MTHFD1L: variants seen among roughly 807,000 people sequenced by gnomAD.
MTHFD1L encodes the protein monofunctional C1-tetrahydrofolate synthase, mitochondrial.
Under a neutral mutation model 119.5 loss-of-function variants are expected in MTHFD1L, and 81 were observed. The observed-to-expected ratio is 0.68, with a 90% CI of 0.57 to 0.82. The LOEUF is 0.82. Ranked by LOEUF, MTHFD1L falls within the 40% of genes least tolerant of loss-of-function variation. The pLI, the probability that MTHFD1L is intolerant of heterozygous loss-of-function variation, is 0.00. For synonymous variants in MTHFD1L, 430 were observed against 475.2 expected (o/e 0.90, Z 1.24); for missense variants, 1,125 against 1,253.4 (o/e 0.90, Z 1.55).
intron 11 of MTHFD1L, among the ~76,000 whole-genome samples, chr6:150,928,425 G>A (rs1790421056): frequency 1.0e-5 from 1 of 97,108 alleles, no homozygotes. Context: ...GACAGAGCAA[G>A]ACTGTCTCAA....
At chr6:150,913,142 A>C (rs577741815) in intron 8 of MTHFD1L, among the ~76,000 whole-genome samples, 51 of 151,790 alleles carry the variant, frequency 3.4e-4, no homozygotes, top group Middle Eastern at 6.8e-3. Flanking sequence ...CTGGGACTAC[A>C]GACATATGCC....
rs1408224807 is a variant in MTHFD1L, at chr6:151,034,510, G to A, written c.2604G>A (p.Lys868=). The stretch of plus-strand genomic sequence containing the variant: ...TTCTCCAGGTTCCAATTGTGGACAA[G>A]ATAAGGACCATTGCTCAGGCTGTCT... The part of the protein sequence containing the change: ...LYDVQVPIVD[K]IRTIAQAVYG... Residue 868 remains lysine (K), a synonymous_variant, in exon 25 of 28, where the codon AAG becomes AAA. Coordinates refer to ENST00000367321, the MANE Select transcript of MTHFD1L (RefSeq NM_015440.5). 6.2e-6 allele frequency: 10 copies of A among 1,610,904 alleles called. No homozygotes were observed. The Admixed American group carries it at 1.2e-4, about 19-fold the overall frequency.
chr6:150,894,360 G>A (rs143465140), intron 7 of MTHFD1L, among the ~76,000 whole-genome samples: 65 of 152,300 alleles, frequency 4.3e-4, no homozygotes, highest in African/African-American at 1.5e-3. Context: ...GGGAAGGAGA[G>A]AGTGTCTCCA....
chr6:150,923,526 T>TTTATTTATTTATTTATTTAC (rs1789380436), intron 10 of MTHFD1L, among the ~76,000 whole-genome samples: 1 of 136,886 alleles, frequency 7.3e-6, no homozygotes, highest in Non-Finnish European at 1.5e-5. Context: ...TATTTATTTA[T>TTTATTTATTTATTTATTTAC]TTATTTATTT....
chr6:150,892,194 C>T (rs1420963399), intron 7 of MTHFD1L, among the ~76,000 whole-genome samples: 1 of 152,232 alleles, frequency 6.6e-6, no homozygotes, highest in Non-Finnish European at 1.5e-5. Flanking sequence ...CCGTGCCCTG[C>T]ACTGAACAGC....
intron 20 of MTHFD1L, among the ~76,000 whole-genome samples, chr6:151,000,560 A>C (rs1258434532): frequency 6.6e-6 from 1 of 152,188 alleles, no homozygotes; most frequent in Non-Finnish European, 1.5e-5. Context: ...GGATCCTCAA[A>C]ATTAATATAT....
intron 25 of MTHFD1L, 148 bp downstream of exon 25, chr6:151,034,748 G>A (rs750040384): frequency 9.3e-6 from 6 of 646,536 alleles, no homozygotes; most frequent in Non-Finnish European, 1.7e-5. Context: ...ATATCCTCGG[G>A]TAGAGTGTAG....
intron 24 of MTHFD1L, among the ~76,000 whole-genome samples, chr6:151,022,865 C>A (rs542082498): frequency 6.6e-6 from 1 of 152,214 alleles, no homozygotes; most frequent in South Asian, 2.1e-4. Flanking sequence ...TAATATTCTG[C>A]TTTCTTAATT....
chr6:150,957,613 T>C (rs1771824), intron 17 of MTHFD1L, among the ~76,000 whole-genome samples: 43,179 of 152,094 alleles, frequency 0.28, 6,483 homozygotes, highest in East Asian at 0.49. Context: ...ACAATCCAAA[T>C]GTCCAACAGT....
chr6:151,083,607 T>C (rs1036396481), intron 26 of MTHFD1L, among the ~76,000 whole-genome samples: 5 of 152,238 alleles, frequency 3.3e-5, no homozygotes, highest in Admixed American at 3.3e-4. Flanking sequence ...AATAGTGGCA[T>C]TGTTTCACAA....
chr6:150,889,124 C>T (rs1782797094), intron 7 of MTHFD1L, among the ~76,000 whole-genome samples: 1 of 151,822 alleles, frequency 6.6e-6, no homozygotes, highest in South Asian at 2.1e-4. Flanking sequence ...TTGCAGTGAG[C>T]CGCGATCGTG....
intron 7 of MTHFD1L, among the ~76,000 whole-genome samples, chr6:150,896,268 T>G (rs954886446): frequency 5.3e-5 from 8 of 152,200 alleles, no homozygotes; most frequent in Admixed American, 1.3e-4. Context: ...TATTTTGTTT[T>G]GATGTTTGTA....
chr6:150,918,814 G>A (rs1188871137), intron 9 of MTHFD1L, 146 bp downstream of exon 9: 1 of 670,274 alleles, frequency 1.5e-6, no homozygotes, highest in Non-Finnish European at 2.6e-6. Context: ...TGAAGAAATG[G>A]TGATTTTGAA....
intron 26 of MTHFD1L, among the ~76,000 whole-genome samples, chr6:151,082,931 G>T (rs1262286612): frequency 6.6e-6 from 1 of 152,158 alleles, no homozygotes; most frequent in African/African-American, 2.4e-5. Flanking sequence ...ACACCTGAAA[G>T]TCTTGATCTG....
chr6:151,057,799 G>A (rs1219072836), intron 26 of MTHFD1L, among the ~76,000 whole-genome samples: 1 of 152,090 alleles, frequency 6.6e-6, no homozygotes, highest in East Asian at 1.9e-4. Flanking sequence ...GTTTGTTTGA[G>A]ACGGAGTCTG....
chr6:150,903,467 A>G (rs908670621), intron 7 of MTHFD1L, among the ~76,000 whole-genome samples: 21 of 152,022 alleles, frequency 1.4e-4, no homozygotes, highest in African/African-American at 4.8e-4. Context: ...CCCAGGCTGG[A>G]GTGAAGTGGC....
intron 26 of MTHFD1L, among the ~76,000 whole-genome samples, chr6:151,055,200 A>G (rs1789691026): frequency 6.6e-6 from 1 of 151,908 alleles, no homozygotes; most frequent in African/African-American, 2.4e-5. Context: ...CAGGAGATGG[A>G]GTTTGCAGTG....
At chr6:150,883,015 A>G in intron 5 of MTHFD1L, 129 bp downstream of exon 5, 6 of 1,021,126 alleles carry the variant, frequency 5.9e-6, no homozygotes, top group Non-Finnish European at 6.8e-6. Context: ...AAATCATTTT[A>G]AATATTTCAG....
chr6:150,958,796 TC>T (rs1371589911), intron 17 of MTHFD1L, among the ~76,000 whole-genome samples: 1 of 152,214 alleles, frequency 6.6e-6, no homozygotes, highest in Non-Finnish European at 1.5e-5. Flanking sequence ...TGAGCAGCCT[TC>T]CGCTATGCAC....
Sources: gnomAD v4.1 joint callset for allele counts (sites outside exome capture counted in the v4.1 genomes callset) on GRCh38, gnomAD v4.1.1 for gene constraint, MANE v1.5 for transcripts, NCBI Gene and HGNC (gene_info 2026-07-23, HGNC 2026-07-21) for gene names.